TMEM217B: variants seen among roughly 807,000 people sequenced by gnomAD.
TMEM217B encodes transmembrane protein 217B.
At chr6:37,224,337 G>A in the TMEM217B span, among the ~76,000 whole-genome samples, 89 of 150,094 alleles carry the variant, frequency 5.9e-4, no homozygotes, top group African/African-American at 1.8e-3. Context: ...AGTGGCTCAT[G>A]CCTGTAATCC....
At chr6:37,255,612 A>C in the TMEM217B span, among the ~76,000 whole-genome samples, 1 of 151,422 alleles carries the variant, frequency 6.6e-6, no homozygotes. Context: ...TGAGCCCAGG[A>C]GATGGAGGTT....
At chr6:37,217,663 C>T in the TMEM217B span, 1 of 985,282 alleles carries the variant, frequency 1.0e-6, no homozygotes, top group South Asian at 4.7e-5. Flanking sequence ...TATTTTTATT[C>T]TTTTTCTTAT....
chr6:37,252,233 G>A, the TMEM217B span, among the ~76,000 whole-genome samples: 12 of 152,080 alleles, frequency 7.9e-5, no homozygotes, highest in African/African-American at 2.9e-4. Context: ...CTTGAAAGAA[G>A]AATAATATTC....
chr6:37,244,548 G>C, the TMEM217B span, among the ~76,000 whole-genome samples: 1 of 152,098 alleles, frequency 6.6e-6, no homozygotes, highest in Non-Finnish European at 1.5e-5. Context: ...TTTACTTTCA[G>C]TCTTTCTCTG....
the TMEM217B span, among the ~76,000 whole-genome samples, chr6:37,236,216 G>T: frequency 6.6e-6 from 1 of 151,902 alleles, no homozygotes; most frequent in South Asian, 2.1e-4. Context: ...TGAACTCCTG[G>T]GCTCAAGTGA....
the TMEM217B span, among the ~76,000 whole-genome samples, chr6:37,240,938 G>GT: frequency 6.6e-6 from 1 of 151,856 alleles, no homozygotes; most frequent in Non-Finnish European, 1.5e-5. Context: ...TTTAATTTTT[G>GT]TATCTTATTG....
chr6:37,214,571 A>G, the TMEM217B span, among the ~76,000 whole-genome samples: 21 of 152,060 alleles, frequency 1.4e-4, no homozygotes, highest in African/African-American at 4.8e-4. Context: ...CTCTGTACCC[A>G]TTATAAACAT....
At chr6:37,241,149 A>G in the TMEM217B span, among the ~76,000 whole-genome samples, 1 of 139,874 alleles carries the variant, frequency 7.1e-6, no homozygotes, top group Non-Finnish European at 1.5e-5. Context: ...CCCAGGCTGG[A>G]GTGTAGTGGC....
the TMEM217B span, chr6:37,219,067 G>A: frequency 4.2e-5 from 66 of 1,577,684 alleles, no homozygotes; most frequent in Non-Finnish European, 5.5e-5. Context: ...ACATGAGGGA[G>A]AATTCTAGTT....
chr6:37,257,205 C>G, the TMEM217B span, among the ~76,000 whole-genome samples: 19 of 152,132 alleles, frequency 1.2e-4, no homozygotes, highest in Non-Finnish European at 2.4e-4. Flanking sequence ...AATTTTTAAC[C>G]CACAGCACAA....
At chr6:37,239,992 A>T in the TMEM217B span, among the ~76,000 whole-genome samples, 87 of 152,046 alleles carry the variant, frequency 5.7e-4, no homozygotes, top group African/African-American at 1.1e-3. Context: ...TCTAACAGGA[A>T]ATCTGGCAGT....
At chr6:37,228,240 A>G in the TMEM217B span, among the ~76,000 whole-genome samples, 1 of 152,230 alleles carries the variant, frequency 6.6e-6, no homozygotes, top group Non-Finnish European at 1.5e-5. Context: ...AAAAAAGAAA[A>G]AAAAGAAAGA....
chr6:37,228,028 C>G, the TMEM217B span, among the ~76,000 whole-genome samples: 1 of 152,144 alleles, frequency 6.6e-6, no homozygotes, highest in African/African-American at 2.4e-5. Context: ...AAAGAGACTT[C>G]TAAAGCAAGA....
the TMEM217B span, chr6:37,212,606 G>A: frequency 4.1e-6 from 2 of 488,306 alleles, no homozygotes; most frequent in Non-Finnish European, 8.1e-6. Flanking sequence ...AAGATCCAGT[G>A]CAAATAACTC....
the TMEM217B span, among the ~76,000 whole-genome samples, chr6:37,223,231 G>GA: frequency 0.049 from 7,244 of 148,664 alleles, 565 homozygotes; most frequent in African/African-American, 0.16. Flanking sequence ...TTGCACAACT[G>GA]AAAAAAAAAC....
chr6:37,236,359 G>A, the TMEM217B span, among the ~76,000 whole-genome samples: 1 of 152,230 alleles, frequency 6.6e-6, no homozygotes, highest in African/African-American at 2.4e-5. Flanking sequence ...CTGCAGCTCA[G>A]TTTAACCCTT....
the TMEM217B span, among the ~76,000 whole-genome samples, chr6:37,236,315 T>C: frequency 1.3e-5 from 2 of 152,196 alleles, no homozygotes; most frequent in East Asian, 1.9e-4. Context: ...CTTTGTTTTT[T>C]AGGCCCTGAA....
chr6:37,243,256 G>A, the TMEM217B span, among the ~76,000 whole-genome samples: 8 of 152,148 alleles, frequency 5.3e-5, no homozygotes, highest in Non-Finnish European at 7.3e-5. Context: ...GAAACAGGGC[G>A]TTTAGTTATA....
the TMEM217B span, among the ~76,000 whole-genome samples, chr6:37,243,908 C>T: frequency 6.6e-6 from 1 of 152,146 alleles, no homozygotes; most frequent in African/African-American, 2.4e-5. Flanking sequence ...CCGGTTCAGT[C>T]AGGAGCCAGG....
Sources: gnomAD v4.1 joint callset for allele counts (sites outside exome capture counted in the v4.1 genomes callset) on GRCh38, gnomAD v4.1.1 for gene constraint, MANE v1.5 for transcripts, NCBI Gene and HGNC (gene_info 2026-07-23, HGNC 2026-07-21) for gene names.